MICAL3: variants seen among roughly 807,000 people sequenced by gnomAD.
The protein encoded by MICAL3 is [F-actin]-monooxygenase MICAL3.
A neutral mutation model predicts 207.4 loss-of-function variants in MICAL3; 62 were observed. That is an observed-to-expected ratio of 0.30 (90% CI 0.24 to 0.37). MICAL3 has a LOEUF of 0.37. Ranked by LOEUF, MICAL3 falls within the 10% of genes least tolerant of loss-of-function variation. MICAL3 has a pLI of 1.00. For missense variants in MICAL3, 2,368 were observed against 2,635.6 expected (o/e 0.90, Z 2.22); for synonymous variants, 1,077 against 1,069.3 (o/e 1.01, Z -0.14).
At position 17,817,729 on chromosome 22, in the gene MICAL3, C is replaced by T. The variant is rs778172149; in HGVS notation, c.4932G>A (p.Glu1644=). Residue 1644 remains glutamate (E), a synonymous_variant, in exon 26 of 32, where the codon GAG becomes GAA. Coordinates refer to ENST00000441493, the MANE Select transcript of MICAL3 (RefSeq NM_015241.3). ...KASSAPSQGK[E]RRPDSPTRPT... ...GGCGTGTGGGGGAGTCAGGCCGGCG[C>T]TCCTTGCCCTGGGAGGGTGCTGAGG... 2.5e-6 allele frequency: 4 copies of T among 1,590,114 alleles called. No individual in the cohort carries two copies. In the South Asian group the frequency reaches 4.6e-5, roughly 18 times the overall value.
chr22:17,960,487 C>T (rs1026901457), intron 1 of MICAL3, among the ~76,000 whole-genome samples: 8 of 152,152 alleles, frequency 5.3e-5, no homozygotes, highest in African/African-American at 1.9e-4. Flanking sequence ...GGACAGGTAC[C>T]ACACATGCGA....
chr22:17,891,552 G>A lies in MICAL3; in HGVS notation c.1627C>T (p.Leu543Phe). 2 of 1,613,934 alleles carry A rather than the reference G, an allele frequency of 1.2e-6. No individual in the cohort carries two copies. The highest frequency in any genetic ancestry group is 1.1e-5 in the South Asian group (1 of 91,080). ...DGYAGVNVTD[L>F]TMSWKSGLAL... is the part of the protein sequence containing the mutation. ...AAGCCACTTTTCCAGGACATGGTGA[G>A]ATCTGTCACGTTTACCCCTGCATAG... is the stretch of plus-strand genomic sequence containing the variant. Residue 543 changes from leucine (L) to phenylalanine (F), a missense_variant, in exon 12 of 32, where the codon CTC becomes TTC. Physicochemically the swap from Leu to Phe is conservative, Grantham distance 22 (BLOSUM62 0). Around this residue, in one of 4 missense-constraint regions of MICAL3, gnomAD observed 51 missense variants for 87.8 expected, o/e 0.58. Transcript: ENST00000441493.
intron 6 of MICAL3, among the ~76,000 whole-genome samples, chr22:17,899,778 G>C (rs1931167053): frequency 6.6e-6 from 1 of 151,912 alleles, no homozygotes; most frequent in African/African-American, 2.4e-5. Flanking sequence ...AACTATGACT[G>C]ACAGTAAACA....
chr22:17,983,419 C>T (rs1214272118), intron 1 of MICAL3: 1 of 139,572 alleles, frequency 7.2e-6, no homozygotes, highest in Non-Finnish European at 1.5e-5. Context: ...CTCATCTCTA[C>T]CTATTATCCT....
intron 16 of MICAL3, chr22:17,875,684 A>G: frequency 4.5e-6 from 1 of 221,094 alleles, no homozygotes; most frequent in Non-Finnish European, 9.0e-6. Context: ...ATGTATAGTA[A>G]AAAAAAAAAA....
chr22:17,868,725 G>A (rs900612785), intron 17 of MICAL3, among the ~76,000 whole-genome samples: 1 of 152,150 alleles, frequency 6.6e-6, no homozygotes, highest in African/African-American at 2.4e-5. Context: ...GAGAAAACAG[G>A]TGGCCACAGG....
intron 1 of MICAL3, among the ~76,000 whole-genome samples, chr22:17,993,648 C>G (rs1470585104): frequency 6.6e-6 from 1 of 152,026 alleles, no homozygotes; most frequent in Non-Finnish European, 1.5e-5. Context: ...CCGGGAAGCC[C>G]CCCTGCGCCC....
At chr22:17,849,882 C>T (rs958859043) in intron 19 of MICAL3, among the ~76,000 whole-genome samples, 1 of 148,876 alleles carries the variant, frequency 6.7e-6, no homozygotes, top group Non-Finnish European at 1.5e-5. Context: ...TTAGTACAGA[C>T]GGGTTTCACT....
chr22:17,825,380 C>G (rs930497087), intron 22 of MICAL3, among the ~76,000 whole-genome samples: 11 of 152,014 alleles, frequency 7.2e-5, no homozygotes, highest in Non-Finnish European at 1.3e-4. Flanking sequence ...GTGCTAGAAG[C>G]TGCCACGCAG....
At chr22:17,907,136 C>T (rs1931784677) in intron 1 of MICAL3, among the ~76,000 whole-genome samples, 1 of 152,106 alleles carries the variant, frequency 6.6e-6, no homozygotes, top group Non-Finnish European at 1.5e-5. Context: ...TCTCAATGGA[C>T]TGTACCAAGT....
At position 17,801,981 on chromosome 22, in the gene MICAL3, T is replaced by C. The variant is rs575703967; in HGVS notation, c.5650+6863A>G. 3.9e-5 allele frequency among the ~76,000 whole-genome samples: 6 copies of C among 152,058 alleles called. No homozygotes were observed. In the East Asian group the frequency reaches 1.2e-3, roughly 29 times the overall value. On this transcript the variant is annotated intron_variant, in intron 29 of 31. Transcript: ENST00000441493. The stretch of plus-strand genomic sequence containing the variant: ...ATGCGATGGTGTGTTACCGGCATCT[T>C]GAACTGGGAGGGAAGTGTGGATACA...
chr22:17,877,496 G>C, intron 16 of MICAL3, among the ~76,000 whole-genome samples: 1 of 136,156 alleles, frequency 7.3e-6, no homozygotes, highest in South Asian at 2.2e-4. Flanking sequence ...TGGAGGTTAG[G>C]GAGGTTATGG....
intron 1 of MICAL3, chr22:18,005,382 T>C (rs952132368): frequency 1.3e-5 from 2 of 152,220 alleles, no homozygotes; most frequent in Non-Finnish European, 2.9e-5. Context: ...TTGGCTAAGG[T>C]AGCAAGGCTG....
chr22:17,944,825 G>A (rs528691973), intron 1 of MICAL3, among the ~76,000 whole-genome samples: 12 of 152,200 alleles, frequency 7.9e-5, no homozygotes, highest in Non-Finnish European at 1.5e-4. Context: ...AGCAGGCCAC[G>A]GCAGCAGATG....
chr22:17,791,569 C>T (rs2061825102), intron 29 of MICAL3: 1 of 528,908 alleles, frequency 1.9e-6, no homozygotes, highest in African/African-American at 1.9e-5. Flanking sequence ...GGTTTCTACC[C>T]CTCCTGCTCT....
intron 29 of MICAL3, among the ~76,000 whole-genome samples, chr22:17,806,869 A>G (rs1423769474): frequency 2.0e-5 from 3 of 152,230 alleles, no homozygotes; most frequent in African/African-American, 7.2e-5. Flanking sequence ...CCTAACGCCA[A>G]TCTTCAGTGG....
At chr22:17,966,913 G>C (rs1478595089) in intron 1 of MICAL3, among the ~76,000 whole-genome samples, 1 of 152,230 alleles carries the variant, frequency 6.6e-6, no homozygotes, top group East Asian at 1.9e-4. Flanking sequence ...AGGAAGAAAA[G>C]TAAGAGGGAA....
rs917591780 is a variant in MICAL3 at position 17,790,837 on chromosome 22, G to A, written c.5904C>T (p.Asp1968=). The A allele has an allele frequency of 1.2e-6, 2 of 1,613,746 alleles. No individual in the cohort carries two copies. Among genetic ancestry groups the A allele is most frequent in the Non-Finnish European group, 1.7e-6 (2 of 1,179,906 alleles). ...GCTCCTCCAGCAGCGCCACCAGTGA[G>A]TCTCTCTGCTCCACCACCTCCAGCA... ...NEMLEVVEQR[D]SLVALLEEQR... The change falls in exon 32 of 32, where the codon GAC becomes GAT. Residue 1968 remains aspartate, a synonymous_variant. Transcript: ENST00000441493.
intron 19 of MICAL3, among the ~76,000 whole-genome samples, chr22:17,859,364 T>G (rs1926266932): frequency 6.6e-6 from 1 of 152,136 alleles, no homozygotes; most frequent in African/African-American, 2.4e-5. Context: ...AGGTGCAGAC[T>G]CGGGGCTGAG....
Sources: gnomAD v4.1 joint callset for allele counts (sites outside exome capture counted in the v4.1 genomes callset) on GRCh38, gnomAD v4.1.1 for gene constraint, gnomAD v4.1.1 regional missense constraint, MANE v1.5 for transcripts, NCBI Gene and HGNC (gene_info 2026-07-23, HGNC 2026-07-21) for gene names.